KIRREL3: variants seen among roughly 807,000 people sequenced by gnomAD.
The protein encoded by KIRREL3 is kin of IRRE-like protein 3.
KIRREL3 carries 36 observed loss-of-function variants against 89.7 expected under a neutral mutation model. That is an observed-to-expected ratio of 0.40 (90% CI 0.31 to 0.53). The LOEUF is 0.53. KIRREL3 is among the 20% of genes least tolerant of loss of function. KIRREL3 has a pLI of 0.49. For missense variants in KIRREL3, 864 were observed against 1,056.6 expected (o/e 0.82, Z 2.53); for synonymous variants, 445 against 441.4 (o/e 1.01, Z -0.10).
At chr11:126,467,130 CTGTT>C (rs1317398877) in intron 5 of KIRREL3, among the ~76,000 whole-genome samples, 2 of 152,240 alleles carry the variant, frequency 1.3e-5, no homozygotes, top group South Asian at 2.1e-4. Flanking sequence ...GTGCGCGTAC[CTGTT>C]TTTGTCTTTG....
In KIRREL3 at chr11:126,560,893, T is replaced by C. The variant is rs552739917; in HGVS notation, c.133+1942A>G. Reference sequence around the variant, plus strand: ...TTATACCAAGGTGTGTTGTGTAGCATGGACAGAGATTTCTATTTCTTGATG... The same window carrying C: ...TTATACCAAGGTGTGTTGTGTAGCACGGACAGAGATTTCTATTTCTTGATG... On this transcript the variant is annotated intron_variant, in intron 2 of 16. Coordinates refer to ENST00000525144, the MANE Select transcript of KIRREL3 (RefSeq NM_032531.4). Among the ~76,000 whole-genome samples, 5 of 152,346 alleles carry C rather than the reference T, an allele frequency of 3.3e-5. No homozygotes were observed. In the South Asian group the frequency reaches 8.3e-4, roughly 25 times the overall value.
chr11:126,626,545 G>A (rs181997411), intron 1 of KIRREL3, among the ~76,000 whole-genome samples: 75 of 152,340 alleles, frequency 4.9e-4, no homozygotes, highest in Non-Finnish European at 9.0e-4. Context: ...TATCTTGGAG[G>A]AGGGTCTGAG....
rs562952213 is a variant in KIRREL3 at position 126,550,431 on chromosome 11, G to A, written c.133+12404C>T. 1.3e-5 allele frequency: 2 copies of A among 152,328 alleles called. No individual in the cohort carries two copies. The highest frequency in any genetic ancestry group is 2.1e-4 in the South Asian group (1 of 4,828). 9.4% of individuals were successfully genotyped at this position (152,328 alleles called of 1,614,324 possible). ...GGAGGCTGAGGCGGGTGGATCACCC[G>A]AGGTCAGGAGTTTGAGACCAGCCTG... is the stretch of plus-strand genomic sequence containing the variant. On this transcript the variant is annotated intron_variant, in intron 2 of 16. Coordinates refer to ENST00000525144, the MANE Select transcript of KIRREL3 (RefSeq NM_032531.4). This position sits in a 1 kb window ranked among gnomAD's most constrained non-coding sequence, Gnocchi z 4.9.
intron 1 of KIRREL3, among the ~76,000 whole-genome samples, chr11:126,964,920 A>G (rs1483649770): frequency 3.3e-5 from 5 of 152,200 alleles, no homozygotes. Flanking sequence ...ATACTATTTC[A>G]TTAGATTGTC....
At chr11:126,678,797 C>A (rs547780925) in intron 1 of KIRREL3, among the ~76,000 whole-genome samples, 2 of 152,176 alleles carry the variant, frequency 1.3e-5, no homozygotes, top group Admixed American at 6.5e-5. Flanking sequence ...GAAGCCTGCA[C>A]AGAGAGAGGA....
rs779606453 is a variant in KIRREL3, at chr11:126,905,916, G to T, written c.55+94539C>A. Among the ~76,000 whole-genome samples, 1 of 152,320 alleles carries T rather than the reference G, an allele frequency of 6.6e-6. No individual in the cohort carries two copies. Among genetic ancestry groups the T allele is most frequent in the East Asian group, 1.9e-4 (1 of 5,176 alleles). On this transcript the variant is annotated intron_variant, in intron 1 of 16. Transcript: ENST00000525144. This position sits in a 1 kb window ranked among gnomAD's most constrained non-coding sequence, Gnocchi z 5.0. ...GCAGCACAGCTAAGTGAGGATGCAC[G>T]GAGGAGATGAAACAGGCTGACAGGC...
intron 1 of KIRREL3, among the ~76,000 whole-genome samples, chr11:126,854,684 G>A (rs891993311): frequency 2.0e-5 from 3 of 152,126 alleles, no homozygotes; most frequent in Non-Finnish European, 4.4e-5. Context: ...CCATGAACAC[G>A]GATGTACGAA....
rs928656056 is a variant in KIRREL3 at position 126,526,362 on chromosome 11, G to A, written c.283+176C>T. Among the ~76,000 whole-genome samples, 1 of 152,226 alleles carries A rather than the reference G, an allele frequency of 6.6e-6. No individual in the cohort carries two copies. Among genetic ancestry groups the A allele is most frequent in the Non-Finnish European group, 1.5e-5 (1 of 68,032 alleles). On this transcript the variant is annotated intron_variant, in intron 3 of 16. Coordinates refer to ENST00000525144, the MANE Select transcript of KIRREL3 (RefSeq NM_032531.4). This position sits in a 1 kb window ranked among gnomAD's most constrained non-coding sequence, Gnocchi z 5.7. ...ATTATGCACATCAGGGGCCCTCAGA[G>A]TCTAGGGATGCTGGGTGCAGTGCTT...
At position 126,902,714 on chromosome 11, in the gene KIRREL3, G is replaced by T. The variant is rs112265719; in HGVS notation, c.55+97741C>A. ...ACAAAGTATGTTAGGAAGCAGACAG[G>T]ATGCTGGGCAAACACTGGGACACAG... On this transcript the variant is annotated intron_variant, in intron 1 of 16. Coordinates refer to ENST00000525144, the MANE Select transcript of KIRREL3 (RefSeq NM_032531.4). Among the ~76,000 whole-genome samples the T allele has an allele frequency of 1.4e-3, 209 of 152,330 alleles. 1 individual carries two copies. The highest frequency in any genetic ancestry group is 4.8e-3 in the African/African-American group (201 of 41,574).
chr11:126,497,029 C>A (rs1957677922), intron 4 of KIRREL3, among the ~76,000 whole-genome samples: 1 of 152,078 alleles, frequency 6.6e-6, no homozygotes, highest in Admixed American at 6.5e-5. Context: ...CAGTGCTTAG[C>A]CAGAGCAGCT....
intron 6 of KIRREL3, among the ~76,000 whole-genome samples, chr11:126,457,801 G>A (rs1167438810): frequency 6.6e-6 from 1 of 152,118 alleles, no homozygotes; most frequent in Non-Finnish European, 1.5e-5. Context: ...GTGTTAGAGA[G>A]AAAGACCAAG....
At chr11:126,585,777 TG>T (rs942331312) in intron 1 of KIRREL3, among the ~76,000 whole-genome samples, 3 of 151,984 alleles carry the variant, frequency 2.0e-5, no homozygotes, top group South Asian at 2.1e-4. Flanking sequence ...TGTCACACTC[TG>T]GGGGGGCATC....
chr11:126,915,756 T>C (rs892745433), intron 1 of KIRREL3, among the ~76,000 whole-genome samples: 6 of 152,246 alleles, frequency 3.9e-5, no homozygotes, highest in Non-Finnish European at 7.3e-5. Context: ...TTAGTCACAT[T>C]GTAGTCAACC....
chr11:126,564,195 C>T lies in KIRREL3; in HGVS notation c.56-1283G>A, dbSNP rs763584602. 2.8e-4 allele frequency among the ~76,000 whole-genome samples: 43 copies of T among 152,234 alleles called. No homozygotes were observed. The highest frequency in any genetic ancestry group is 5.3e-4 in the Non-Finnish European group (36 of 68,032). Reference sequence around the variant, plus strand: ...TGATGCATCACAGCACCTTCTCCCACGACACCGACTGCCTCCCTGAACCCA... The same window carrying T: ...TGATGCATCACAGCACCTTCTCCCATGACACCGACTGCCTCCCTGAACCCA... On this transcript the variant is annotated intron_variant, in intron 1 of 16. Transcript: ENST00000525144. The surrounding 1 kb of genome is among the most constrained non-coding windows in gnomAD (Gnocchi z 7.4).
rs543512165 is a variant in KIRREL3, at chr11:126,965,934, G to C, written c.55+34521C>G. Among the ~76,000 whole-genome samples the C allele has an allele frequency of 5.8e-4, 89 of 152,250 alleles. No individual in the cohort carries two copies. The highest frequency in any genetic ancestry group is 1.9e-3 in the Admixed American group (29 of 15,290). On this transcript the variant is annotated intron_variant, in intron 1 of 16. Transcript: ENST00000525144. This position sits in a 1 kb window ranked among gnomAD's most constrained non-coding sequence, Gnocchi z 4.4. ...GACTGGCCTCAACTTGTAGAATTTAGAGTTTTCAAAGTTACTTCAATCTAC... is the reference window on the plus strand; with the variant it reads ...GACTGGCCTCAACTTGTAGAATTTACAGTTTTCAAAGTTACTTCAATCTAC...
At chr11:126,741,829 G>A (rs1164689401) in intron 1 of KIRREL3, among the ~76,000 whole-genome samples, 1 of 152,212 alleles carries the variant, frequency 6.6e-6, no homozygotes, top group African/African-American at 2.4e-5. Context: ...AACCACTGAG[G>A]TCTTGGATGG....
intron 1 of KIRREL3, among the ~76,000 whole-genome samples, chr11:126,949,815 G>A (rs1948726271): frequency 6.6e-6 from 1 of 152,190 alleles, no homozygotes; most frequent in Non-Finnish European, 1.5e-5. Flanking sequence ...CCCACAGATG[G>A]TCTGGGTACC....
intron 1 of KIRREL3, among the ~76,000 whole-genome samples, chr11:126,925,971 C>T (rs956308726): frequency 5.3e-5 from 8 of 152,232 alleles, no homozygotes; most frequent in Non-Finnish European, 8.8e-5. Flanking sequence ...AAACATACCT[C>T]ATCCTATGTA....
rs2134404728 is a variant in KIRREL3, at chr11:126,513,495, T to A, written c.433+7820A>T. 6.6e-6 allele frequency among the ~76,000 whole-genome samples: 1 copy of A among 152,148 alleles called. No homozygotes were observed. Among genetic ancestry groups the A allele is most frequent in the South Asian group, 2.1e-4 (1 of 4,820 alleles). On this transcript the variant is annotated intron_variant, in intron 4 of 16. Coordinates refer to ENST00000525144, the MANE Select transcript of KIRREL3 (RefSeq NM_032531.4). This position sits in a 1 kb window ranked among gnomAD's most constrained non-coding sequence, Gnocchi z 5.9. ...CAGGGAAGGGAAAAGATGCGCTGAG[T>A]TTGCCTCCATCCCTGAGGGATCCTC... is the stretch of plus-strand genomic sequence containing the variant.
Sources: allele counts gnomAD v4.1 joint callset (sites outside exome capture counted in the v4.1 genomes callset), GRCh38; gene constraint gnomAD v4.1.1; non-coding constraint Gnocchi (gnomAD v3.1); transcripts MANE v1.5; gene names NCBI Gene and HGNC (gene_info 2026-07-23, HGNC 2026-07-21).